The following SIPA1L3 variants were observed in gnomAD, a reference collection of about 807,000 sequenced individuals.
SIPA1L3 encodes the protein signal induced proliferation associated 1 like 3.
In SIPA1L3, 59 loss-of-function variants were observed where a neutral mutation model predicts 150.1. The observed-to-expected ratio is 0.39, with a 90% confidence interval of 0.32 to 0.49. The LOEUF is 0.49. Ranked by LOEUF, SIPA1L3 falls within the 20% of genes least tolerant of loss-of-function variation. The probability of loss-of-function intolerance (pLI) is 0.86; values close to 1 mark genes in which losing one functional copy is unlikely to be tolerated. For missense variants in SIPA1L3, 2,211 were observed against 2,489.5 expected (o/e 0.89, Z 2.38); for synonymous variants, 1,070 against 1,077.6 (o/e 0.99, Z 0.14).
intron 9 of SIPA1L3, among the ~76,000 whole-genome samples, chr19:38,127,354 T>A (rs1057475900): frequency 6.6e-6 from 1 of 152,206 alleles, no homozygotes; most frequent in Non-Finnish European, 1.5e-5. Context: ...TTCTAAAAGA[T>A]ACAACTCTTA....
At chr19:37,915,533 C>T (rs12976673) in intron 1 of SIPA1L3, among the ~76,000 whole-genome samples, 9,302 of 152,128 alleles carry the variant, frequency 0.061, 378 homozygotes, top group Non-Finnish European at 0.09. Flanking sequence ...AGGCGCCCAC[C>T]GCCACTCCCA....
intron 10 of SIPA1L3, among the ~76,000 whole-genome samples, chr19:38,137,376 A>C (rs776092401): frequency 1.3e-5 from 2 of 152,006 alleles, no homozygotes; most frequent in Non-Finnish European, 2.9e-5. Flanking sequence ...TTTAGTAGAG[A>C]TGGGGTTTCA....
rs1972153331 is a variant in SIPA1L3, at chr19:38,164,149, G to A, written c.3781-330G>A. Among the ~76,000 whole-genome samples the A allele has an allele frequency of 6.6e-6, 1 of 152,168 alleles. No homozygotes were observed. On this transcript the variant is annotated intron_variant, in intron 14 of 21. Coordinates refer to ENST00000222345, the MANE Select transcript of SIPA1L3 (RefSeq NM_015073.3). The surrounding 1 kb of genome is among the most constrained non-coding windows in gnomAD (Gnocchi z 4.1). Reference sequence around the variant, plus strand: ...GGCAGGGGCAGCTGAAAGCATGGCCGGCGTCATTGAGATGAGGAAGACGCT... The same window carrying A: ...GGCAGGGGCAGCTGAAAGCATGGCCAGCGTCATTGAGATGAGGAAGACGCT...
chr19:38,137,541 T>C (rs888079413), intron 10 of SIPA1L3, among the ~76,000 whole-genome samples: 3 of 151,848 alleles, frequency 2.0e-5, no homozygotes, highest in African/African-American at 7.3e-5. Context: ...GTTCAAGTGA[T>C]CCTCTCGTCT....
intron 18 of SIPA1L3, among the ~76,000 whole-genome samples, chr19:38,195,793 T>TCC (rs528922318): frequency 3.4e-3 from 68 of 19,988 alleles, no homozygotes; most frequent in South Asian, 0.012. Context: ...ACAGGCCCCG[T>TCC]CCCCCCCCGC....
chr19:38,192,328 C>T lies in SIPA1L3; in HGVS notation c.4596+18C>T, dbSNP rs751650926. 3 of 1,569,392 alleles carry T rather than the reference C, an allele frequency of 1.9e-6. No homozygotes were observed. Among genetic ancestry groups the T allele is most frequent in the South Asian group, 2.4e-5 (2 of 84,736 alleles). On this transcript the variant is annotated intron_variant, in intron 17 of 21. Transcript: ENST00000222345. ...ACACGGGAGTACGTAGGGCCCTGTC[C>T]CCCGCTCCCGACCCCCAGCTCCCAA...
At chr19:37,990,263 CTT>C (rs1318205121) in intron 1 of SIPA1L3, among the ~76,000 whole-genome samples, 1 of 152,264 alleles carries the variant, frequency 6.6e-6, no homozygotes, top group African/African-American at 2.4e-5. Flanking sequence ...ACAGAGGCAT[CTT>C]TTTGGGTCTC....
chr19:38,109,998 T>C (rs1970702194), intron 7 of SIPA1L3: 2 of 523,450 alleles, frequency 3.8e-6, no homozygotes, highest in Non-Finnish European at 6.9e-6. Flanking sequence ...GGAACAGCGG[T>C]GCAGAGGCTT....
At chr19:38,111,021 T>C (rs1970724021) in intron 8 of SIPA1L3, among the ~76,000 whole-genome samples, 1 of 134,286 alleles carries the variant, frequency 7.4e-6, no homozygotes, top group Admixed American at 7.0e-5. Context: ...TTTGTTGTTT[T>C]GGGTTTTTTT....
intron 7 of SIPA1L3, among the ~76,000 whole-genome samples, chr19:38,108,140 C>T (rs991383209): frequency 6.6e-6 from 1 of 152,004 alleles, no homozygotes; most frequent in African/African-American, 2.4e-5. Flanking sequence ...TCGTAGTGCC[C>T]CTGAATCAGG....
chr19:38,041,542 G>A (rs1968922929), intron 2 of SIPA1L3, among the ~76,000 whole-genome samples: 1 of 152,086 alleles, frequency 6.6e-6, no homozygotes, highest in Non-Finnish European at 1.5e-5. Flanking sequence ...CTCCCAAAGT[G>A]CTGGGATTAC....
In SIPA1L3 at chr19:38,077,724, G is replaced by T. The variant is rs531904250; in HGVS notation, c.-310-3532G>T. ...CTCACTCTGTTGCCTAGGCTGGAGTGCAGTGGAGCAATCTCGGCTCACTGC... is the reference window on the plus strand; with the variant it reads ...CTCACTCTGTTGCCTAGGCTGGAGTTCAGTGGAGCAATCTCGGCTCACTGC... On this transcript the variant is annotated intron_variant, in intron 2 of 21. Coordinates refer to ENST00000222345, the MANE Select transcript of SIPA1L3 (RefSeq NM_015073.3). Among the ~76,000 whole-genome samples, 619 of 126,380 alleles carry T rather than the reference G, an allele frequency of 4.9e-3. 1 individual carries two copies. The highest frequency in any genetic ancestry group is 6.9e-3 in the Non-Finnish European group (433 of 63,206). The allele number at this position is 126,380 out of a possible 152,430, so 82.9% of individuals were successfully genotyped here. A position where few individuals can be genotyped will look rare whatever the true frequency, so the allele number is the denominator to read the frequency against.
chr19:38,106,678 T>G, intron 7 of SIPA1L3, 38 bp downstream of exon 7: 2 of 1,426,070 alleles, frequency 1.4e-6, no homozygotes, highest in Non-Finnish European at 2.0e-6. Flanking sequence ...TGCCGGATGT[T>G]GGCTGCCCAC....
At chr19:37,997,155 C>A (rs1322151063) in intron 1 of SIPA1L3, among the ~76,000 whole-genome samples, 1 of 152,134 alleles carries the variant, frequency 6.6e-6, no homozygotes, top group African/African-American at 2.4e-5. Context: ...TTAATAGATA[C>A]CTTCGTCTTC....
chr19:37,976,342 A>G (rs534077036), intron 1 of SIPA1L3, among the ~76,000 whole-genome samples: 2 of 152,076 alleles, frequency 1.3e-5, no homozygotes, highest in Non-Finnish European at 2.9e-5. Context: ...GCTGCCCCTG[A>G]ATGCCCTGAT....
chr19:37,909,555 T>C (rs1568460347), intron 1 of SIPA1L3, among the ~76,000 whole-genome samples: 1 of 152,160 alleles, frequency 6.6e-6, no homozygotes, highest in Non-Finnish European at 1.5e-5. Context: ...TACGTAAACC[T>C]ATGTAACATA....
rs73628634 is a variant in SIPA1L3, at chr19:38,046,460, G to A, written c.-311+17304G>A. 0.059 allele frequency among the ~76,000 whole-genome samples: 8,919 copies of A among 152,192 alleles called. 910 individuals are homozygous for A. Among genetic ancestry groups the A allele is most frequent in the African/African-American group, 0.2 (8,214 of 41,494 alleles). ...GTGGTGGAGTCTTTGACCTCATGCC[G>A]ATCAACGTGCTTCTCTCGGTTCCCT... On this transcript the variant is annotated intron_variant, in intron 2 of 21. Transcript: ENST00000222345. The surrounding 1 kb of genome is among the most constrained non-coding windows in gnomAD (Gnocchi z 5.6).
chr19:37,922,736 T>G (rs1768864044), intron 1 of SIPA1L3, among the ~76,000 whole-genome samples: 1 of 151,894 alleles, frequency 6.6e-6, no homozygotes, highest in Admixed American at 6.6e-5. Flanking sequence ...GGAGCACTGT[T>G]CTAGATACCA....
chr19:38,158,851 G>A (rs1477957867), intron 13 of SIPA1L3, among the ~76,000 whole-genome samples: 1 of 152,232 alleles, frequency 6.6e-6, no homozygotes. Flanking sequence ...GCCATGTTCA[G>A]TGAGAGGTGC....
Sources: allele counts gnomAD v4.1 joint callset (sites outside exome capture counted in the v4.1 genomes callset), GRCh38; gene constraint gnomAD v4.1.1; non-coding constraint Gnocchi (gnomAD v3.1); transcripts MANE v1.5; gene names NCBI Gene and HGNC (gene_info 2026-07-23, HGNC 2026-07-21).